The following PCDHA2 variants were observed in gnomAD, a reference collection of about 807,000 sequenced individuals.
PCDHA2 encodes the protein protocadherin alpha-2.
In PCDHA2, 58 loss-of-function variants were observed where a neutral mutation model predicts 66.0. The ratio of observed to expected loss-of-function variants is 0.88; its 90% CI spans 0.71 to 1.09. The LOEUF is 1.09. PCDHA2 is among the 50% of genes least tolerant of loss of function. PCDHA2 has a pLI of 0.00. For synonymous variants in PCDHA2, 634 were observed against 554.0 expected (o/e 1.14, Z -2.03); for missense variants, 1,267 against 1,242.3 (o/e 1.02, Z -0.30).
At chr5:140,882,127 C>G in intron 1 of PCDHA2, 2 of 1,464,686 alleles carry the variant, frequency 1.4e-6, no homozygotes. Flanking sequence ...TTTCTTTCTT[C>G]CTGCAGAAAA....
At chr5:140,842,812 G>A in intron 1 of PCDHA2, 1 of 1,594,038 alleles carries the variant, frequency 6.3e-7, no homozygotes, top group Non-Finnish European at 8.6e-7. Flanking sequence ...TTGTGGAGCG[G>A]CGGGTGGGCG....
At chr5:140,969,410 T>C (rs528910445) in intron 1 of PCDHA2, 12 of 1,572,752 alleles carry the variant, frequency 7.6e-6, no homozygotes, top group South Asian at 1.2e-5. Flanking sequence ...TTTGGCTTTA[T>C]TGAGTCATTA....
At chr5:140,966,825 T>C in intron 1 of PCDHA2, 3 of 1,560,026 alleles carry the variant, frequency 1.9e-6, no homozygotes, top group Non-Finnish European at 2.6e-6. Flanking sequence ...CGGCGGCCCA[T>C]GCCCTGGCTG....
At chr5:140,928,669 A>C in intron 1 of PCDHA2, 1 of 1,614,160 alleles carries the variant, frequency 6.2e-7, no homozygotes, top group Non-Finnish European at 8.5e-7. Flanking sequence ...CAGTGGTTCT[A>C]ATGCCTGGCT....
intron 1 of PCDHA2, chr5:140,828,420 T>C (rs1554131299): frequency 1.2e-6 from 2 of 1,614,068 alleles, no homozygotes. Context: ...GAGGTGATCG[T>C]GGACAGGCCG....
Position 140,842,156 on chromosome 5 carries a change from T to G in PCDHA2, c.2388+44804T>G, listed in dbSNP as rs2150330678. 3.3e-5 allele frequency: 54 copies of G among 1,613,784 alleles called. 1 individual carries two copies. The South Asian group carries it at 5.9e-4, about 18-fold the overall frequency. ...TGAAGGAGCCAATGGGGCAATTTCA[T>G]ATTCTTTTAATAGCCTTGTTGAAAC... On this transcript the variant is annotated intron_variant, in intron 1 of 3. Coordinates refer to ENST00000526136, the MANE Select transcript of PCDHA2 (RefSeq NM_018905.3).
intron 1 of PCDHA2, chr5:140,857,630 G>A (rs1554150395): frequency 6.3e-7 from 1 of 1,596,610 alleles, no homozygotes; most frequent in African/African-American, 1.3e-5. Flanking sequence ...CGAGGAGCTG[G>A]AGCTGCTACA....
chr5:140,969,363 C>T, intron 1 of PCDHA2: 2 of 1,610,732 alleles, frequency 1.2e-6, no homozygotes, highest in Non-Finnish European at 8.5e-7. Context: ...CTTCTACAAA[C>T]TCATGCATTT....
At chr5:140,815,021 G>A (rs2126660936) in intron 1 of PCDHA2, 1 of 151,964 alleles carries the variant, frequency 6.6e-6, no homozygotes, top group East Asian at 1.9e-4. Context: ...CACTCTTTTG[G>A]TTACAATTTG....
chr5:140,806,282 T>C (rs1198012789), intron 1 of PCDHA2, among the ~76,000 whole-genome samples: 1 of 152,120 alleles, frequency 6.6e-6, no homozygotes, highest in African/African-American at 2.4e-5. Flanking sequence ...TTGGCTAAAA[T>C]ATATAAGCAC....
chr5:140,884,158 G>A (rs376345503), intron 1 of PCDHA2: 8 of 1,613,488 alleles, frequency 5.0e-6, no homozygotes, highest in African/African-American at 1.3e-5. Context: ...ACACTGGCGA[G>A]ATCAGCACGA....
intron 1 of PCDHA2, chr5:140,823,577 G>A (rs1389760827): frequency 6.2e-7 from 1 of 1,613,854 alleles, no homozygotes; most frequent in Non-Finnish European, 8.5e-7. Context: ...CCTGATTCGG[G>A]CTACAACGCT....
chr5:141,000,639 G>T (rs1375900945), intron 3 of PCDHA2, among the ~76,000 whole-genome samples: 1 of 151,186 alleles, frequency 6.6e-6, no homozygotes, highest in Non-Finnish European at 1.5e-5. Context: ...TGTTGGGCAG[G>T]CTGGTCTCGA....
chr5:140,827,864 T>TG (rs1362091793), intron 1 of PCDHA2: 5 of 608,420 alleles, frequency 8.2e-6, no homozygotes, highest in Non-Finnish European at 1.4e-5. Flanking sequence ...ATATATGGTA[T>TG]AGCACTGTTA....
intron 1 of PCDHA2, among the ~76,000 whole-genome samples, chr5:140,886,254 CTA>C (rs1304679943): frequency 6.6e-6 from 1 of 151,720 alleles, no homozygotes; most frequent in Non-Finnish European, 1.5e-5. Flanking sequence ...AAAAGTATCT[CTA>C]TTTATAGATA....
rs549259485 is a variant in PCDHA2, at chr5:140,926,218, A to C, written c.2389-52731A>C. 2.0e-5 allele frequency among the ~76,000 whole-genome samples: 3 copies of C among 152,070 alleles called. No individual in the cohort carries two copies. In the South Asian group the frequency reaches 6.3e-4, roughly 32 times the overall value. On this transcript the variant is annotated intron_variant, in intron 1 of 3. Coordinates refer to ENST00000526136, the MANE Select transcript of PCDHA2 (RefSeq NM_018905.3). ...TCTTTCGGGGGGCTCCTGTTTCCTT[A>C]AGCCTAGAAGGTGTGGTCGCTCACG...
At chr5:140,857,947 G>T (rs782434773) in intron 1 of PCDHA2, 1 of 1,597,414 alleles carries the variant, frequency 6.3e-7, no homozygotes, top group East Asian at 2.2e-5. Flanking sequence ...TCAGTACGAC[G>T]CGCGCTCTGG....
chr5:140,998,321 G>A lies in PCDHA2; in HGVS notation c.2537-11306G>A, dbSNP rs79793895. On this transcript the variant is annotated intron_variant, in intron 3 of 3. Coordinates refer to ENST00000526136, the MANE Select transcript of PCDHA2 (RefSeq NM_018905.3). ...TTTAGTAAGGGCACCAGGATCTGAA[G>A]CAGGATTGTTTGACTTCTGAGTCTG... is the stretch of plus-strand genomic sequence containing the variant. 9.8e-3 allele frequency among the ~76,000 whole-genome samples: 1,493 copies of A among 152,278 alleles called. 32 individuals carry two copies. The highest frequency in any genetic ancestry group is 0.034 in the African/African-American group (1,408 of 41,548).
Position 140,843,438 on chromosome 5 carries a change from C to A in PCDHA2, c.2388+46086C>A, listed in dbSNP as rs2150359947. 1.3e-4 allele frequency: 208 copies of A among 1,596,096 alleles called. 21 individuals are homozygous for A. The South Asian group carries it at 1.5e-3, about 11-fold the overall frequency. Reference sequence around the variant, plus strand: ...GTGTACCTGATCATCGCCATCTGCGCGGTATCCAGCCTGCTGGTGCTCACG... The same window carrying A: ...GTGTACCTGATCATCGCCATCTGCGAGGTATCCAGCCTGCTGGTGCTCACG... On this transcript the variant is annotated intron_variant, in intron 1 of 3. Transcript: ENST00000526136.
Sources: gnomAD v4.1 joint callset for allele counts (sites outside exome capture counted in the v4.1 genomes callset) on GRCh38, gnomAD v4.1.1 for gene constraint, MANE v1.5 for transcripts, NCBI Gene and HGNC (gene_info 2026-07-23, HGNC 2026-07-21) for gene names.